The following HELZ2 variants were observed in gnomAD, a reference collection of about 807,000 sequenced individuals.
The protein encoded by HELZ2 is helicase with zinc finger 2.
Under a neutral mutation model 208.8 loss-of-function variants are expected in HELZ2, and 143 were observed. The observed-to-expected ratio is 0.68, with a 90% confidence interval of 0.60 to 0.79. HELZ2 has a LOEUF of 0.79. Ranked by LOEUF, HELZ2 falls within the 30% of genes least tolerant of loss-of-function variation. The pLI is 0.00. For synonymous variants in HELZ2, 1,705 were observed against 1,693.7 expected, an observed-to-expected ratio of 1.01 and a Z score of -0.16; for missense variants, 3,690 against 3,794.5, an observed-to-expected ratio of 0.97 and a Z score of 0.72.
intron 3 of HELZ2, chr20:63,569,988 C>T (rs185995701): frequency 1.3e-4 from 61 of 483,156 alleles, no homozygotes; most frequent in Middle Eastern, 5.7e-4. Flanking sequence ...TCACTCTTGT[C>T]GCCAGGCTGG....
exon 3 of HELZ2, chr20:63,570,596 C>T (rs1473004738): frequency 6.2e-7 from 1 of 1,610,184 alleles, no homozygotes; most frequent in East Asian, 2.2e-5. Flanking sequence ...CGCACTCCAT[C>T]AAGGGTCTCT....
rs185241820 is a variant in HELZ2 at position 63,559,384 on chromosome 20, A to G, written c.7826-14T>C. The G allele has an allele frequency of 6.3e-7, 1 of 1,576,858 alleles. No homozygotes were observed. The highest frequency in any genetic ancestry group is 1.4e-5 in the African/African-American group (1 of 72,866). ...GGAGGTGGTCTCCTGTGAGGGTGGG[A>G]GTCAGATGGGAGTCAGTCAGGGTCA... On this transcript the variant is annotated splice_polypyrimidine_tract_variant and intron_variant, in intron 18 of 18. Coordinates refer to ENST00000467148, the Ensembl canonical transcript of HELZ2.
chr20:63,571,211 G>A (rs1322874340), intron 1 of HELZ2: 30 of 269,240 alleles, frequency 1.1e-4, no homozygotes, highest in Admixed American at 3.1e-4. Context: ...CTCCTGCCCC[G>A]CTCCAAGCTC....
rs781530291 is a variant in HELZ2 at position 63,560,641 on chromosome 20, C to T, written c.7338G>A (p.Thr2446=). ...TGGGCGGCCTCCTCAGGCCCTGCCA[C>T]GTCTTCAGCTTGCTCTTGTAGAACG... Residue 2446 remains threonine, a synonymous_variant, in exon 16 of 19, where the codon ACG becomes ACA. Transcript: ENST00000467148. 16 of 1,610,358 alleles carry T rather than the reference C, an allele frequency of 9.9e-6. No individual in the cohort carries two copies. The Middle Eastern group carries it at 4.9e-4, about 50-fold the overall frequency.
chr20:63,563,036 C>A, exon 8 of HELZ2: 1 of 1,599,800 alleles, frequency 6.3e-7, no homozygotes, highest in Non-Finnish European at 8.5e-7. Context: ...CCTCGGGGCC[C>A]GGTACACACG....
exon 8 of HELZ2, chr20:63,565,635 G>T (rs985156719): frequency 6.8e-6 from 11 of 1,610,518 alleles, no homozygotes; most frequent in African/African-American, 1.3e-5. Flanking sequence ...CCGTCCCACG[G>T]CCAGAAGTCA....
Position 63,562,676 on chromosome 20 carries a change from TG to T in HELZ2, c.6145del (p.Gln2049ArgfsTer35). On this transcript the variant is annotated frameshift_variant, in exon 8 of 19. Coordinates refer to ENST00000467148, the Ensembl canonical transcript of HELZ2. LOFTEE classifies it high-confidence loss of function. ...TGCCCGGCGCTCCTGGTCCCAGTCCTGCGTCTGCCCGTGGGCCACCCAGGTA... is the reference window on the plus strand; with the variant it reads ...TGCCCGGCGCTCCTGGTCCCAGTCCTCGTCTGCCCGTGGGCCACCCAGGTA... 2 of 1,598,584 alleles carry T rather than the reference TG, an allele frequency of 1.3e-6. No individual in the cohort carries two copies. Among genetic ancestry groups the T allele is most frequent in the Non-Finnish European group, 1.7e-6 (2 of 1,173,568 alleles).
chr20:63,569,441 T>C (rs930018279), exon 4 of HELZ2: 1 of 1,608,998 alleles, frequency 6.2e-7, no homozygotes, highest in East Asian at 2.2e-5. Flanking sequence ...GCCCCAGCTT[T>C]TGTAGCAGCA....
chr20:63,568,645 C>T lies in HELZ2; in HGVS notation c.1443G>A (p.Trp481Ter). Residue 481 changes from tryptophan to a stop codon, truncating the protein, a stop_gained, in exon 5 of 19, where the codon TGG (tryptophan) becomes TGA (stop). Transcript: ENST00000467148. LOFTEE classifies it high-confidence loss of function. The stretch of plus-strand genomic sequence containing the variant: ...CAGGCAGTGTGTCCACTGCCTGGTG[C>T]CAGAGGCGGAAGGTCATCGGGTCAA... 6.2e-7 allele frequency: 1 copy of T among 1,604,124 alleles called. No homozygotes were observed. Among genetic ancestry groups the T allele is most frequent in the African/African-American group, 1.3e-5 (1 of 75,024 alleles).
chr20:63,561,493 G>C, intron 12 of HELZ2, 27 bp from the exon 14 acceptor site: 1 of 1,590,188 alleles, frequency 6.3e-7, no homozygotes, highest in Non-Finnish European at 8.6e-7. Context: ...AGTGAGCCCT[G>C]TCCACGCAGG....
At chr20:63,569,359 G>T in exon 4 of HELZ2, 1 of 1,606,744 alleles carries the variant, frequency 6.2e-7, no homozygotes, top group Admixed American at 1.7e-5. Flanking sequence ...GTGTGCCAGC[G>T]CTCCATCTCC....
Position 63,563,175 on chromosome 20 carries a change from G to A in HELZ2, c.5647C>T (p.Leu1883=), listed in dbSNP as rs61741527. The A allele has an allele frequency of 4.0e-3, 6,356 of 1,592,712 alleles. 198 individuals are homozygous for A. In the African/African-American group the frequency reaches 0.071, roughly 18 times the overall value. ...AGGCTGGTGCCGAGCTGCACCTGCAGGGTGTCCCCACTGCCCAGCTCCCGG... is the reference window on the plus strand; with the variant it reads ...AGGCTGGTGCCGAGCTGCACCTGCAAGGTGTCCCCACTGCCCAGCTCCCGG... Residue 1883 remains leucine, a synonymous_variant, in exon 8 of 19, where the codon CTG becomes TTG. Transcript: ENST00000467148.
At position 63,560,102 on chromosome 20, in the gene HELZ2, G is replaced by A. The variant is rs371414905; in HGVS notation, c.7658-7C>T. On this transcript the variant is annotated splice_polypyrimidine_tract_variant and splice_region_variant and intron_variant, in intron 17 of 18. Transcript: ENST00000467148. ...ACATAGCGCCACTCGCTCCCTGCGGGATGGGAGGTGAGGCCCTGCTGCCGC... is the reference window on the plus strand; with the variant it reads ...ACATAGCGCCACTCGCTCCCTGCGGAATGGGAGGTGAGGCCCTGCTGCCGC... The A allele has an allele frequency of 6.3e-6, 10 of 1,583,974 alleles. No homozygotes were observed. The highest frequency in any genetic ancestry group is 7.7e-6 in the Non-Finnish European group (9 of 1,169,864).
rs913145831 is a variant in HELZ2, at chr20:63,561,808, C to T, written c.6691+15G>A. The T allele has an allele frequency of 1.4e-5, 22 of 1,552,634 alleles. No homozygotes were observed. Among genetic ancestry groups the T allele is most frequent in the Non-Finnish European group, 1.8e-5 (21 of 1,147,166 alleles). ...GCCAGCTCCCCAAAGGCCCCCACCG[C>T]CGACCCCGGCGCACCTGCCAGGACA... On this transcript the variant is annotated intron_variant, in intron 11 of 18. Coordinates refer to ENST00000467148, the Ensembl canonical transcript of HELZ2.
exon 8 of HELZ2, chr20:63,563,729 T>G (rs1355425319): frequency 6.3e-7 from 1 of 1,598,070 alleles, no homozygotes; most frequent in Non-Finnish European, 8.5e-7. Flanking sequence ...CCTGGCAGAG[T>G]AGGCAGAGCC....
intron 11 of HELZ2, 28 bp downstream of exon 12, chr20:63,561,795 A>G: frequency 6.4e-7 from 1 of 1,555,798 alleles, no homozygotes; most frequent in Non-Finnish European, 8.7e-7. Context: ...CAGCTCCCCA[A>G]AGGCCCCCAC....
chr20:63,564,524 A>G (rs555956602), exon 8 of HELZ2: 2 of 1,581,788 alleles, frequency 1.3e-6, no homozygotes, highest in African/African-American at 1.3e-5. Flanking sequence ...GGCCTTCTCC[A>G]TGGTGAGGAA....
exon 8 of HELZ2, chr20:63,564,727 C>T (rs749493506): frequency 1.2e-6 from 2 of 1,610,950 alleles, no homozygotes; most frequent in South Asian, 2.2e-5. Flanking sequence ...CCACCTCGCA[C>T]CTGGGACCCA....
At chr20:63,562,490 G>A in intron 8 of HELZ2, 30 bp downstream of exon 9, 1 of 1,540,460 alleles carries the variant, frequency 6.5e-7, no homozygotes, top group Non-Finnish European at 8.8e-7. Context: ...CGGTCCCCCA[G>A]CCCAGCCTCT....
Sources: gnomAD v4.1 joint callset for allele counts on GRCh38, gnomAD v4.1.1 for gene constraint, MANE v1.5 for transcripts, NCBI Gene and HGNC (gene_info 2026-07-23, HGNC 2026-07-21) for gene names.